The following NPAS3 variants were observed in gnomAD, a reference collection of about 807,000 sequenced individuals.
NPAS3 encodes neuronal PAS domain-containing protein 3.
NPAS3 carries 14 observed loss-of-function variants against 73.1 expected under a neutral mutation model. The observed-to-expected ratio is 0.19, with a 90% CI of 0.13 to 0.30. NPAS3 has a LOEUF of 0.30. NPAS3 is among the 10% of genes least tolerant of loss of function. The pLI is 1.00. For missense variants in NPAS3, 1,096 were observed against 1,250.0 expected (o/e 0.88, Z 1.86); for synonymous variants, 620 against 541.5 (o/e 1.14, Z -2.01).
intron 3 of NPAS3, among the ~76,000 whole-genome samples, chr14:33,342,740 G>GC (rs1156272793): frequency 6.6e-6 from 1 of 151,832 alleles, no homozygotes; most frequent in Non-Finnish European, 1.5e-5. Flanking sequence ...AAAGTTTATT[G>GC]CCCCCTGCTG....
At chr14:33,060,373 T>C (rs916160817) in intron 2 of NPAS3, among the ~76,000 whole-genome samples, 18 of 152,192 alleles carry the variant, frequency 1.2e-4, no homozygotes, top group Non-Finnish European at 2.1e-4. Context: ...CAGTTTCAAT[T>C]ACTAACGTTT....
At chr14:33,095,657 C>CTTTTTTTTTTCT (rs201283993) in intron 2 of NPAS3, among the ~76,000 whole-genome samples, 1 of 97,656 alleles carries the variant, frequency 1.0e-5, no homozygotes, top group Non-Finnish European at 2.0e-5. Context: ...GCATTCTCTG[C>CTTTTTTTTTTCT]TTTTATTTTT....
intron 1 of NPAS3, among the ~76,000 whole-genome samples, chr14:33,001,593 A>G (rs2038808824): frequency 6.6e-6 from 1 of 151,816 alleles, no homozygotes; most frequent in Admixed American, 6.6e-5. Flanking sequence ...CAGTCTCTTC[A>G]TTCTTGTATT....
rs1275628539 is a variant in NPAS3 at position 33,784,736 on chromosome 14, TA to T, written c.1153+6165del. On this transcript the variant is annotated intron_variant, in intron 9 of 11. Coordinates refer to ENST00000356141, the Ensembl canonical transcript of NPAS3. The stretch of plus-strand genomic sequence containing the variant: ...TTATTGTTATTTTTATTTATTTATT[TA>T]TTTATTTATTTTTTTTTTTTTTTTT... Among the ~76,000 whole-genome samples the T allele has an allele frequency of 2.7e-3, 284 of 104,790 alleles. 4 individuals carry two copies. Among genetic ancestry groups the T allele is most frequent in the African/African-American group, 0.01 (202 of 19,912 alleles). 68.7% of individuals were successfully genotyped at this position (104,790 alleles called of 152,430 possible).
chr14:33,073,659 C>T (rs571276458), intron 2 of NPAS3, among the ~76,000 whole-genome samples: 1 of 152,282 alleles, frequency 6.6e-6, no homozygotes, highest in South Asian at 2.1e-4. Flanking sequence ...AAGATGGAAA[C>T]AATTTCTATT....
chr14:33,434,056 G>T (rs1335615984), intron 4 of NPAS3, among the ~76,000 whole-genome samples: 1 of 152,058 alleles, frequency 6.6e-6, no homozygotes, highest in Non-Finnish European at 1.5e-5. Context: ...GCTGGGCGTG[G>T]TGGCAGGCGC....
intron 3 of NPAS3, among the ~76,000 whole-genome samples, chr14:33,314,813 A>G (rs1341538719): frequency 6.6e-6 from 1 of 152,058 alleles, no homozygotes; most frequent in African/African-American, 2.4e-5. Flanking sequence ...ATTTGTGTTG[A>G]AAGAAAGCCT....
chr14:33,435,444 A>T (rs1381279862), intron 4 of NPAS3, among the ~76,000 whole-genome samples: 1 of 152,192 alleles, frequency 6.6e-6, no homozygotes, highest in African/African-American at 2.4e-5. Context: ...AAGAGTTCAT[A>T]ATTTTATGAA....
chr14:33,217,831 G>T (rs1003395296), intron 3 of NPAS3, among the ~76,000 whole-genome samples: 1 of 152,192 alleles, frequency 6.6e-6, no homozygotes, highest in African/African-American at 2.4e-5. Context: ...AAACGACTTT[G>T]CAATTCAGCG....
chr14:33,387,146 C>T (rs776473452), intron 4 of NPAS3, among the ~76,000 whole-genome samples: 3 of 152,074 alleles, frequency 2.0e-5, no homozygotes, highest in Non-Finnish European at 4.4e-5. Context: ...TTGATACCAC[C>T]CAAATTTTTA....
chr14:33,609,939 G>T (rs1567051831), intron 5 of NPAS3, among the ~76,000 whole-genome samples: 1 of 152,130 alleles, frequency 6.6e-6, no homozygotes, highest in East Asian at 1.9e-4. Flanking sequence ...GTTTATTTAA[G>T]TCTTTATCTT....
intron 2 of NPAS3, among the ~76,000 whole-genome samples, chr14:33,130,551 T>C (rs1341518413): frequency 2.0e-5 from 3 of 152,190 alleles, no homozygotes; most frequent in Non-Finnish European, 4.4e-5. Flanking sequence ...TTTATGGAAA[T>C]ATCACCATTC....
intron 4 of NPAS3, among the ~76,000 whole-genome samples, chr14:33,384,575 C>T (rs921372533): frequency 2.6e-5 from 4 of 151,940 alleles, no homozygotes; most frequent in Non-Finnish European, 5.9e-5. Context: ...ACTAAAAGTA[C>T]AAAATTAGCT....
chr14:33,644,404 A>G (rs949400055), intron 5 of NPAS3, among the ~76,000 whole-genome samples: 3 of 152,220 alleles, frequency 2.0e-5, no homozygotes, highest in Non-Finnish European at 4.4e-5. Context: ...ATGCCTGTGT[A>G]GTGAGCAACA....
At chr14:33,789,764 A>T (rs1346211150) in intron 9 of NPAS3, among the ~76,000 whole-genome samples, 1 of 147,860 alleles carries the variant, frequency 6.8e-6, no homozygotes, top group African/African-American at 2.5e-5. Flanking sequence ...AATTTTTTGT[A>T]TTTTTTAGTA....
chr14:33,001,547 C>T (rs150221237), intron 1 of NPAS3, among the ~76,000 whole-genome samples: 262 of 152,282 alleles, frequency 1.7e-3, no homozygotes, highest in African/African-American at 6.1e-3. Context: ...ACCACTCTCT[C>T]CTTTCCTAGC....
intron 1 of NPAS3, among the ~76,000 whole-genome samples, chr14:33,002,337 C>T (rs907547329): frequency 6.6e-6 from 1 of 152,156 alleles, no homozygotes; most frequent in Non-Finnish European, 1.5e-5. Flanking sequence ...GAGATGAAGA[C>T]ACTTAGGTGT....
At chr14:33,065,984 G>C (rs1213358820) in intron 2 of NPAS3, among the ~76,000 whole-genome samples, 1 of 152,058 alleles carries the variant, frequency 6.6e-6, no homozygotes, top group Non-Finnish European at 1.5e-5. Context: ...AGCATGGCTT[G>C]GTTGGGCACA....
At position 33,191,533 on chromosome 14, in the gene NPAS3, C is replaced by T. The variant is rs531222599; in HGVS notation, c.141-23649C>T. Among the ~76,000 whole-genome samples, 50 of 152,294 alleles carry T rather than the reference C, an allele frequency of 3.3e-4. No homozygotes were observed. In the South Asian group the frequency reaches 9.7e-3, roughly 30 times the overall value. Reference sequence around the variant, plus strand: ...TTGCCACATTGCACCTGGAAAACCACTACACTTCTATGGATCTGGAGATCA... The same window carrying T: ...TTGCCACATTGCACCTGGAAAACCATTACACTTCTATGGATCTGGAGATCA... On this transcript the variant is annotated intron_variant, in intron 2 of 11. Coordinates refer to ENST00000356141, the Ensembl canonical transcript of NPAS3.
Sources: gnomAD v4.1 joint callset for allele counts (sites outside exome capture counted in the v4.1 genomes callset) on GRCh38, gnomAD v4.1.1 for gene constraint, MANE v1.5 for transcripts, NCBI Gene and HGNC (gene_info 2026-07-23, HGNC 2026-07-21) for gene names.